Variants in MAF observed in about 807,000 individuals in gnomAD.
The protein encoded by MAF is MAF bZIP transcription factor, also known as transcription factor Maf.
A neutral mutation model predicts 22.0 loss-of-function variants in MAF; 10 were observed. The ratio of observed to expected loss-of-function variants is 0.45; its 90% CI spans 0.28 to 0.77. The LOEUF (loss-of-function observed/expected upper bound fraction) is 0.77, where lower values mean the gene tolerates loss of function less well. Among genes scored for constraint, MAF ranks in the 30% least tolerant of loss-of-function variants. The pLI is 0.12. For synonymous variants in MAF, 337 were observed against 255.8 expected, an observed-to-expected ratio of 1.32 and a Z score of -3.03; for missense variants, 544 against 548.4, an observed-to-expected ratio of 0.99 and a Z score of 0.08.
chr16:79,544,136 G>A, the MAF span, among the ~76,000 whole-genome samples: 1 of 152,162 alleles, frequency 6.6e-6, no homozygotes, highest in Non-Finnish European at 1.5e-5. Context: ...ACCGTGGGGG[G>A]GAAAGTTTGC....
At chr16:79,585,791 T>C (rs929169343), downstream of MAF, 34 of 591,078 alleles carry the variant, frequency 5.8e-5, no homozygotes, top group Admixed American at 1.1e-3. Flanking sequence ...CCTTGTTTGC[T>C]TCCTTGCTTT....
the MAF span, among the ~76,000 whole-genome samples, chr16:79,472,589 A>T: frequency 6.6e-6 from 1 of 152,174 alleles, no homozygotes; most frequent in Non-Finnish European, 1.5e-5. Context: ...GACAGGAAGT[A>T]GATGAGTGGT....
the MAF span, among the ~76,000 whole-genome samples, chr16:79,353,485 C>A: frequency 6.6e-6 from 1 of 152,200 alleles, no homozygotes; most frequent in Non-Finnish European, 1.5e-5. Flanking sequence ...TGGTCCCTCA[C>A]ACACTTGATG....
At chr16:79,570,580 G>A in the MAF span, among the ~76,000 whole-genome samples, 3 of 152,114 alleles carry the variant, frequency 2.0e-5, no homozygotes, top group Non-Finnish European at 4.4e-5. Context: ...TGTTGAAATC[G>A]TTCATCTGGG....
the MAF span, among the ~76,000 whole-genome samples, chr16:79,359,233 C>A: frequency 1.3e-5 from 2 of 152,130 alleles, no homozygotes; most frequent in Non-Finnish European, 2.9e-5. Context: ...TTTCCTAAAC[C>A]AGGTCATCTT....
the MAF span, among the ~76,000 whole-genome samples, chr16:79,305,219 G>T: frequency 2.0e-5 from 3 of 152,168 alleles, no homozygotes; most frequent in African/African-American, 7.2e-5. Context: ...TATTACTTGG[G>T]CTCAGTGATG....
At chr16:79,411,189 C>T in the MAF span, among the ~76,000 whole-genome samples, 6,290 of 152,166 alleles carry the variant, frequency 0.041, 263 homozygotes, top group African/African-American at 0.11. Context: ...TTGCAGTTTT[C>T]TCACAAGACC....
the MAF span, among the ~76,000 whole-genome samples, chr16:79,355,701 C>T: frequency 6.6e-6 from 1 of 152,086 alleles, no homozygotes; most frequent in African/African-American, 2.4e-5. Flanking sequence ...AAATGTGGTA[C>T]AAAAAGAAAT....
At chr16:79,541,910 C>T in the MAF span, among the ~76,000 whole-genome samples, 3 of 152,088 alleles carry the variant, frequency 2.0e-5, no homozygotes, top group African/African-American at 4.8e-5. Flanking sequence ...CCATCCTCAG[C>T]CTCCCAAAGT....
intron 1 of MAF, among the ~76,000 whole-genome samples, chr16:79,587,190 C>T (rs752167054): frequency 6.6e-6 from 1 of 152,098 alleles, no homozygotes; most frequent in Non-Finnish European, 1.5e-5. Flanking sequence ...ACGTTATATG[C>T]GTTTATTCAC....
chr16:79,368,133 C>T, the MAF span, among the ~76,000 whole-genome samples: 1 of 152,142 alleles, frequency 6.6e-6, no homozygotes, highest in African/African-American at 2.4e-5. Context: ...ATCTTTGGCT[C>T]CAGAATGGAG....
chr16:79,257,185 A>G, the MAF span, among the ~76,000 whole-genome samples: 1 of 152,130 alleles, frequency 6.6e-6, no homozygotes, highest in African/African-American at 2.4e-5. Flanking sequence ...TCAAAAAAAT[A>G]AATAAAAATT....
At chr16:79,585,327 C>T (rs1417431633), downstream of MAF, among the ~76,000 whole-genome samples, 1 of 152,174 alleles carries the variant, frequency 6.6e-6, no homozygotes, top group Non-Finnish European at 1.5e-5. Flanking sequence ...GGAGGGGATC[C>T]ATAGTCACAT....
the MAF span, among the ~76,000 whole-genome samples, chr16:79,516,791 C>T: frequency 4.6e-5 from 7 of 152,160 alleles, no homozygotes; most frequent in Admixed American, 2.0e-4. Context: ...TCTAGAGGTT[C>T]CATGGAATCT....
the MAF span, among the ~76,000 whole-genome samples, chr16:79,368,330 C>A: frequency 2.6e-5 from 4 of 152,104 alleles, no homozygotes; most frequent in African/African-American, 7.2e-5. Context: ...AATGGCAGGG[C>A]ATTAGCCACA....
At chr16:79,330,750 G>A in the MAF span, among the ~76,000 whole-genome samples, 4 of 152,346 alleles carry the variant, frequency 2.6e-5, no homozygotes, top group African/African-American at 9.6e-5. Context: ...ATCTGGCTCA[G>A]CTCCTCTAAG....
At chr16:79,227,213 T>C in the MAF span, among the ~76,000 whole-genome samples, 1 of 151,972 alleles carries the variant, frequency 6.6e-6, no homozygotes, top group Non-Finnish European at 1.5e-5. Context: ...TATCCAGGCA[T>C]GGCGGCACAC....
chr16:79,575,267 T>G, the MAF span, among the ~76,000 whole-genome samples: 11 of 152,260 alleles, frequency 7.2e-5, no homozygotes, highest in African/African-American at 2.6e-4. Context: ...CCCAATGCCA[T>G]GACCCCATTA....
the MAF span, among the ~76,000 whole-genome samples, chr16:79,458,831 A>AG: frequency 3.9e-5 from 6 of 152,206 alleles, no homozygotes; most frequent in African/African-American, 1.4e-4. Flanking sequence ...GGACTTGTCT[A>AG]GGGTTAGAAT....
Sources: gnomAD v4.1 joint callset for allele counts (sites outside exome capture counted in the v4.1 genomes callset) on GRCh38, gnomAD v4.1.1 for gene constraint, MANE v1.5 for transcripts, NCBI Gene and HGNC (gene_info 2026-07-23, HGNC 2026-07-21) for gene names.